Variants in ATP1A4 observed in about 807,000 individuals in gnomAD.
ATP1A4 encodes the protein ATPase Na+/K+ transporting subunit alpha 4.
In ATP1A4, 90 loss-of-function variants were observed where a neutral mutation model predicts 114.3. That is an observed-to-expected ratio of 0.79 (90% CI 0.66 to 0.94). The LOEUF is 0.94. Among genes scored for constraint, ATP1A4 ranks in the 40% least tolerant of loss-of-function variants. The probability of loss-of-function intolerance (pLI) is 0.00; values close to 1 mark genes in which losing one functional copy is unlikely to be tolerated. For missense variants in ATP1A4, 1,222 were observed against 1,313.6 expected (o/e 0.93, Z 1.08); for synonymous variants, 511 against 494.1 (o/e 1.03, Z -0.45).
intron 6 of ATP1A4, among the ~76,000 whole-genome samples, chr1:160,162,196 A>C (rs547079787): frequency 2.9e-4 from 44 of 152,360 alleles, no homozygotes; most frequent in African/African-American, 1.0e-3. Flanking sequence ...CTGCTTTTAA[A>C]ATAAATGCAG....
chr1:160,167,095 A>T lies in ATP1A4; in HGVS notation c.1356+18A>T. The T allele has an allele frequency of 6.2e-7, 1 of 1,611,474 alleles. No individual in the cohort carries two copies. Among genetic ancestry groups the T allele is most frequent in the African/African-American group, 1.3e-5 (1 of 74,954 alleles). On this transcript the variant is annotated intron_variant, in intron 9 of 21. Transcript: ENST00000368081. The stretch of plus-strand genomic sequence containing the variant: ...TTGCTAAGGTGTCAGGCCCAAGGGG[A>T]AGAGGGTACCTCAGTGTCCAGGGTG...
intron 5 of ATP1A4, 88 bp downstream of exon 5, chr1:160,159,224 T>C: frequency 1.3e-6 from 2 of 1,515,226 alleles, no homozygotes; most frequent in Non-Finnish European, 1.8e-6. Flanking sequence ...AGTATAAGCT[T>C]ATTACTCAGA....
Position 160,186,704 on chromosome 1 carries a change from A to G in ATP1A4, c.*5A>G. ...GAAAGGGAGACGTACTACTAAACTC[A>G]GCAGATGAAGAGCTTCATGTGACAC... On this transcript the variant is annotated 3_prime_UTR_variant, in exon 22 of 22. Coordinates refer to ENST00000368081, the MANE Select transcript of ATP1A4 (RefSeq NM_144699.4). 1 of 1,610,698 alleles carries G rather than the reference A, an allele frequency of 6.2e-7. No homozygotes were observed. The highest frequency in any genetic ancestry group is 8.5e-7 in the Non-Finnish European group (1 of 1,178,430).
chr1:160,176,246 G>C lies in ATP1A4; in HGVS notation c.2466G>C (p.Met822Ile), dbSNP rs1653460037. The C allele has an allele frequency of 1.2e-6, 2 of 1,613,942 alleles. No individual in the cohort carries two copies. Among genetic ancestry groups the C allele is most frequent in the Non-Finnish European group, 8.5e-7 (1 of 1,180,004 alleles). The part of the protein sequence containing the change: ...TILCIDLGTD[M>I]VPAISLAYES... Reference sequence around the variant, plus strand: ...TCTGCATTGATCTCGGCACTGACATGGTAAGGGCCAAGCTGGTGAGCAAGA... The same window carrying C: ...TCTGCATTGATCTCGGCACTGACATCGTAAGGGCCAAGCTGGTGAGCAAGA... The change falls in exon 16 of 22, where the codon ATG (methionine) becomes ATC (isoleucine). Residue 822 changes from methionine (M) to isoleucine (I), a missense_variant and splice_region_variant. Physicochemically the swap from Met to Ile is conservative, Grantham distance 10 (BLOSUM62 1). Coordinates refer to ENST00000368081, the MANE Select transcript of ATP1A4 (RefSeq NM_144699.4).
intron 4 of ATP1A4, 37 bp downstream of exon 4, chr1:160,156,195 G>A (rs1356865970): frequency 3.7e-6 from 5 of 1,345,552 alleles, no homozygotes; most frequent in East Asian, 2.3e-5. Context: ...GGGAGCAGGA[G>A]CAGGATGTGG....
At chr1:160,164,049 T>C (rs1652946513) in intron 6 of ATP1A4, 107 bp from the exon 7 acceptor site, 2 of 1,411,458 alleles carry the variant, frequency 1.4e-6, no homozygotes, top group East Asian at 4.6e-5. Flanking sequence ...CACCCCTATC[T>C]TTAAGGGTTT....
intron 18 of ATP1A4, among the ~76,000 whole-genome samples, chr1:160,180,936 G>C (rs909879252): frequency 6.6e-6 from 1 of 151,654 alleles, no homozygotes; most frequent in Non-Finnish European, 1.5e-5. Flanking sequence ...GGATGGTCTT[G>C]ATCTCCTGAC....
rs1377008448 is a variant in ATP1A4 at position 160,151,882 on chromosome 1, C to A, written c.-159C>A. ...CCTCTCTCTCACCTTCACCACCCAA[C>A]ACCTCCCTCCCTGCCTCTTTCTTTC... is the stretch of plus-strand genomic sequence containing the variant. On this transcript the variant is annotated 5_prime_UTR_variant, in exon 1 of 22. Transcript: ENST00000368081. 1 of 771,064 alleles carries A rather than the reference C, an allele frequency of 1.3e-6. No individual in the cohort carries two copies. The allele number at this position is 771,064 out of a possible 1,614,324, so 47.8% of individuals were successfully genotyped here. A position where few individuals can be genotyped will look rare whatever the true frequency, so the allele number is the denominator to read the frequency against.
rs765981862 is a variant in ATP1A4, at chr1:160,153,193, T to A, written c.176T>A (p.Leu59Gln). 1 of 1,614,002 alleles carries A rather than the reference T, an allele frequency of 6.2e-7. No homozygotes were observed. The highest frequency in any genetic ancestry group is 8.5e-7 in the Non-Finnish European group (1 of 1,179,932). The change falls in exon 2 of 22, where the codon CTG becomes CAG. Residue 59 changes from leucine to glutamine, a missense_variant. Coordinates refer to ENST00000368081, the MANE Select transcript of ATP1A4 (RefSeq NM_144699.4). ...MDDHKLTLEE[L>Q]STKYSVDLTK... The stretch of plus-strand genomic sequence containing the variant: ...GATCACAAATTAACCTTGGAAGAGC[T>A]GAGCACCAAGTACTCCGTGGACCTG...
chr1:160,160,055 C>T (rs1652814749), intron 6 of ATP1A4, among the ~76,000 whole-genome samples: 1 of 152,198 alleles, frequency 6.6e-6, no homozygotes, highest in South Asian at 2.1e-4. Context: ...AACTGGGAGA[C>T]AGTTCTGGCA....
intron 6 of ATP1A4, among the ~76,000 whole-genome samples, chr1:160,162,767 G>C (rs1316525425): frequency 6.6e-6 from 1 of 152,140 alleles, no homozygotes; most frequent in Non-Finnish European, 1.5e-5. Context: ...AGGGGATAAG[G>C]GGATGTTGGA....
At chr1:160,161,270 G>A (rs986478046) in intron 6 of ATP1A4, among the ~76,000 whole-genome samples, 1 of 152,150 alleles carries the variant, frequency 6.6e-6, no homozygotes. Context: ...CAAATTAGTA[G>A]CATAACTTTA....
chr1:160,176,638 G>A (rs1473964257), intron 17 of ATP1A4, 36 bp downstream of exon 17: 1 of 1,603,232 alleles, frequency 6.2e-7, no homozygotes, highest in Non-Finnish European at 8.5e-7. Context: ...AGGGAGCAGG[G>A]AGTGGTTTCC....
chr1:160,177,461 C>T (rs1040433575), intron 17 of ATP1A4, 58 bp from the exon 18 acceptor site: 5 of 1,594,048 alleles, frequency 3.1e-6, no homozygotes, highest in African/African-American at 1.3e-5. Flanking sequence ...CCCTGGCCTA[C>T]CTTTTGGGGC....
rs41288133 is a variant in ATP1A4, at chr1:160,156,069, G to A, written c.436G>A (p.Val146Ile). 5,710 of 1,613,536 alleles carry A rather than the reference G, an allele frequency of 3.5e-3. 14 individuals are homozygous for A. The highest frequency in any genetic ancestry group is 4.5e-3 in the Non-Finnish European group (5,344 of 1,179,460). Residue 146 changes from valine (V) to isoleucine (I), a missense_variant, in exon 4 of 22, where the codon GTC becomes ATC. Val to Ile is a conservative substitution (Grantham distance 29, BLOSUM62 3). Transcript: ENST00000368081. Reference sequence around the variant, plus strand: ...GCTCTACCTGAGCATCGTACTGTCCGTCGTGGTCATCGTCACTGGCTGCTT... The same window carrying A: ...GCTCTACCTGAGCATCGTACTGTCCATCGTGGTCATCGTCACTGGCTGCTT... ...DNLYLSIVLS[V>I]VVIVTGCFSY...
Position 160,174,250 on chromosome 1 carries a change from T to C in ATP1A4, c.2131T>C (p.Cys711Arg), listed in dbSNP as rs1653369975. 5 of 1,613,930 alleles carry C rather than the reference T, an allele frequency of 3.1e-6. No individual in the cohort carries two copies. Among genetic ancestry groups the C allele is most frequent in the South Asian group, 2.2e-5 (2 of 91,078 alleles). Reference protein sequence around the residue: ...PQQKLIIVEGCQRLGAVVAVT... With the variant: ...PQQKLIIVEGRQRLGAVVAVT... ...GCAGAAGCTCATCATTGTCGAGGGA[T>C]GTCAGAGGCTGGTAAGGAACGAAAA... Residue 711 changes from cysteine (C) to arginine (R), a missense_variant, in exon 14 of 22, where the codon TGT (cysteine) becomes CGT (arginine). Physicochemically the swap from Cys to Arg is radical, Grantham distance 180 (BLOSUM62 -3). Transcript: ENST00000368081.
intron 7 of ATP1A4, among the ~76,000 whole-genome samples, chr1:160,165,432 G>C (rs758794224): frequency 3.9e-5 from 6 of 152,178 alleles, no homozygotes; most frequent in Non-Finnish European, 7.3e-5. Context: ...TCAATGCTGT[G>C]ATATTATTGT....
chr1:160,154,987 G>T (rs1038362792), intron 2 of ATP1A4, 58 bp from the exon 3 acceptor site: 1 of 1,538,370 alleles, frequency 6.5e-7, no homozygotes, highest in Non-Finnish European at 9.0e-7. Context: ...GTTCCCTTTT[G>T]CTATGGCTGT....
Position 160,174,128 on chromosome 1 carries a change from T to C in ATP1A4, c.2009T>C (p.Val670Ala). ...TCCCTCAGTGCTGCCAAAGCCATTG[T>C]GGTGCATGGTGCAGAACTGAAGGAC... ...KVDASAAKAI[V>A]VHGAELKDIQ... The change falls in exon 14 of 22, where the codon GTG becomes GCG. Residue 670 changes from valine to alanine, a missense_variant. Coordinates refer to ENST00000368081, the MANE Select transcript of ATP1A4 (RefSeq NM_144699.4). The C allele has an allele frequency of 6.2e-7, 1 of 1,614,064 alleles. No individual in the cohort carries two copies. Among genetic ancestry groups the C allele is most frequent in the Non-Finnish European group, 8.5e-7 (1 of 1,180,006 alleles).
Sources: allele counts gnomAD v4.1 joint callset (sites outside exome capture counted in the v4.1 genomes callset), GRCh38; gene constraint gnomAD v4.1.1; transcripts MANE v1.5; gene names NCBI Gene and HGNC (gene_info 2026-07-23, HGNC 2026-07-21).